AFG2A: variants seen among roughly 807,000 people sequenced by gnomAD.
AFG2A encodes ATPase family gene 2 protein homolog A.
the AFG2A span, among the ~76,000 whole-genome samples, chr4:123,203,737 G>C: frequency 1.3e-5 from 2 of 152,188 alleles, no homozygotes; most frequent in African/African-American, 2.4e-5. Context: ...GTGAACATAA[G>C]TTTTCATTTC....
chr4:122,929,832 A>G, the AFG2A span, among the ~76,000 whole-genome samples: 4 of 151,994 alleles, frequency 2.6e-5, no homozygotes, highest in African/African-American at 9.7e-5. Flanking sequence ...TGATAGCTAC[A>G]TGTGCTGAGT....
At chr4:123,116,855 T>C in the AFG2A span, among the ~76,000 whole-genome samples, 1 of 152,168 alleles carries the variant, frequency 6.6e-6, no homozygotes, top group African/African-American at 2.4e-5. Context: ...GAAATTTGTA[T>C]TATTTTTTAC....
the AFG2A span, among the ~76,000 whole-genome samples, chr4:123,027,036 A>G: frequency 6.6e-6 from 1 of 151,152 alleles, no homozygotes; most frequent in Non-Finnish European, 1.5e-5. Context: ...TTCTTTTTCT[A>G]CTCCCAGAAC....
chr4:123,117,249 AGCTCTT>A, the AFG2A span, among the ~76,000 whole-genome samples: 1 of 151,926 alleles, frequency 6.6e-6, no homozygotes, highest in African/African-American at 2.4e-5. Context: ...TTCATAAAGG[AGCTCTT>A]GAACCTCCGT....
the AFG2A span, among the ~76,000 whole-genome samples, chr4:123,258,244 G>T: frequency 6.6e-6 from 1 of 152,010 alleles, no homozygotes; most frequent in East Asian, 1.9e-4. Context: ...CCCTGTTGAG[G>T]GTTTTTGTTT....
the AFG2A span, among the ~76,000 whole-genome samples, chr4:123,302,600 TCGGTAGGTCAAGC>T: frequency 6.0e-5 from 9 of 151,208 alleles, no homozygotes; most frequent in African/African-American, 2.2e-4. Flanking sequence ...TTGGAGTTGA[TCGGTAGGTCAAGC>T]CATGTGCTAA....
the AFG2A span, among the ~76,000 whole-genome samples, chr4:123,164,341 A>G: frequency 6.6e-6 from 1 of 152,034 alleles, no homozygotes; most frequent in Non-Finnish European, 1.5e-5. Context: ...GAAGAGAGGA[A>G]ACTGTATTAT....
the AFG2A span, among the ~76,000 whole-genome samples, chr4:123,218,311 G>A: frequency 6.6e-6 from 1 of 152,156 alleles, no homozygotes; most frequent in African/African-American, 2.4e-5. Context: ...CTTTATTAAG[G>A]TGAAGTGAAT....
chr4:123,057,427 A>C, the AFG2A span: 3 of 810,122 alleles, frequency 3.7e-6, no homozygotes, highest in Non-Finnish European at 5.7e-6. Flanking sequence ...AGTTTTTGTA[A>C]TTTTTTCCTC....
chr4:122,980,474 G>A, the AFG2A span, among the ~76,000 whole-genome samples: 600 of 152,298 alleles, frequency 3.9e-3, 2 homozygotes, highest in African/African-American at 0.013. Context: ...ACATGAGAGT[G>A]CAGATATCGC....
At chr4:123,306,231 T>A in the AFG2A span, among the ~76,000 whole-genome samples, 1 of 152,232 alleles carries the variant, frequency 6.6e-6, no homozygotes, top group Non-Finnish European at 1.5e-5. Flanking sequence ...TCCTACGTCC[T>A]AGGAATTCAT....
the AFG2A span, among the ~76,000 whole-genome samples, chr4:123,040,659 T>A: frequency 2.0e-5 from 3 of 152,198 alleles, no homozygotes; most frequent in East Asian, 3.8e-4. Context: ...TAAAATTGAT[T>A]TGGTATTGTT....
the AFG2A span, among the ~76,000 whole-genome samples, chr4:122,991,547 T>G: frequency 2.6e-4 from 40 of 152,312 alleles, no homozygotes; most frequent in South Asian, 6.6e-3. Context: ...TGTCTGTTGT[T>G]TTAAGTCGCT....
chr4:123,046,333 C>G, the AFG2A span, among the ~76,000 whole-genome samples: 1 of 151,684 alleles, frequency 6.6e-6, no homozygotes, highest in Non-Finnish European at 1.5e-5. Context: ...TCAGTTGTAA[C>G]TCTGTGCAGC....
At chr4:123,043,140 T>C in the AFG2A span, among the ~76,000 whole-genome samples, 1 of 152,224 alleles carries the variant, frequency 6.6e-6, no homozygotes, top group Non-Finnish European at 1.5e-5. Flanking sequence ...TTTAAGGATA[T>C]GCCATTCTAG....
chr4:123,102,226 C>A, the AFG2A span: 1 of 144,608 alleles, frequency 6.9e-6, no homozygotes, highest in African/African-American at 2.5e-5. Flanking sequence ...ACGTTTATTT[C>A]TTCAAACAGA....
At chr4:122,933,908 C>A in the AFG2A span, among the ~76,000 whole-genome samples, 1 of 152,168 alleles carries the variant, frequency 6.6e-6, no homozygotes, top group East Asian at 1.9e-4. Flanking sequence ...TTCAGAGAAT[C>A]ATTTCCTTCT....
the AFG2A span, among the ~76,000 whole-genome samples, chr4:123,174,583 G>T: frequency 6.6e-6 from 1 of 152,070 alleles, no homozygotes; most frequent in Non-Finnish European, 1.5e-5. Context: ...CATAGAAACA[G>T]ATGATTACAC....
the AFG2A span, among the ~76,000 whole-genome samples, chr4:123,023,012 A>C: frequency 7.2e-6 from 1 of 139,710 alleles, no homozygotes; most frequent in Non-Finnish European, 1.6e-5. Context: ...AGGAAGGGGA[A>C]CATCACACAC....
Sources: allele counts gnomAD v4.1 joint callset (sites outside exome capture counted in the v4.1 genomes callset), GRCh38; gene constraint gnomAD v4.1.1; transcripts MANE v1.5; gene names NCBI Gene and HGNC (gene_info 2026-07-23, HGNC 2026-07-21).